Variants in MEAK7 observed in about 807,000 individuals in gnomAD.
MEAK7 encodes the protein MTOR associated protein MEAK7.
In MEAK7, 68 loss-of-function variants were observed where a neutral mutation model predicts 40.5. The observed-to-expected ratio is 1.68, with a 90% confidence interval of 1.38 to 2.06. The LOEUF is 2.06. Ranked by LOEUF, MEAK7 falls within the 30% of genes most tolerant of loss-of-function variation. The pLI is 0.00. For missense variants in MEAK7, 918 were observed against 580.5 expected, an observed-to-expected ratio of 1.58 and a Z score of -5.98; for synonymous variants, 338 against 231.9, an observed-to-expected ratio of 1.46 and a Z score of -4.16.
intron 3 of MEAK7, among the ~76,000 whole-genome samples, chr16:84,491,689 T>C (rs1913626020): frequency 6.6e-6 from 1 of 150,528 alleles, no homozygotes; most frequent in Non-Finnish European, 1.5e-5. Flanking sequence ...GTACAAAAAA[T>C]TACCTGGGCG....
In MEAK7 at chr16:84,495,833, C is replaced by T; in HGVS notation, c.234G>A (p.Lys78=). 6.2e-7 allele frequency: 1 copy of T among 1,614,126 alleles called. No homozygotes were observed. ...ACACGTTCTCACTGGGTCCCTTCGCCTTCCCTGTCAGGTCGACCCTCCGCA... is the reference window on the plus strand; with the variant it reads ...ACACGTTCTCACTGGGTCCCTTCGCTTTCCCTGTCAGGTCGACCCTCCGCA... ...DGMRRVDLTG[K]AKGPSENVSQ... is the part of the protein sequence containing the mutation. The change falls in exon 3 of 8, where the codon AAG becomes AAA. Residue 78 remains lysine (K), a synonymous_variant. Coordinates refer to ENST00000343629, the MANE Select transcript of MEAK7 (RefSeq NM_020947.4).
intron 4 of MEAK7, 130 bp downstream of exon 4, chr16:84,489,147 GA>G: frequency 8.3e-7 from 1 of 1,211,140 alleles, no homozygotes; most frequent in South Asian, 1.9e-5. Flanking sequence ...CAACAAACTA[GA>G]AAACCTAGAA....
rs1567507790 is a variant in MEAK7, at chr16:84,501,106, A to AG, written c.-25-2996_-25-2995insC. Among the ~76,000 whole-genome samples the AG allele has an allele frequency of 1.3e-3, 8 of 6,080 alleles. No homozygotes were observed. In the Non-Finnish European group the frequency reaches 0.021, roughly 16 times the overall value. 4.0% of individuals were successfully genotyped at this position (6,080 alleles called of 152,430 possible). ...TTAGACTCGTCTCAAAAAAAAAAAG[A>AG]AAAAAAAAAAAAAAAAAAAGAGGGG... On this transcript the variant is annotated intron_variant, in intron 1 of 7. Transcript: ENST00000343629.
At chr16:84,497,599 T>G (rs1416954331) in intron 2 of MEAK7, 2 of 1,321,174 alleles carry the variant, frequency 1.5e-6, no homozygotes. Context: ...AAGTTAGAAA[T>G]GTCCCCAAAT....
At position 84,489,328 on chromosome 16, in the gene MEAK7, G is replaced by T. The variant is rs765011136; in HGVS notation, c.479C>A (p.Pro160His). 7.4e-6 allele frequency: 12 copies of T among 1,614,054 alleles called. No individual in the cohort carries two copies. Among genetic ancestry groups the T allele is most frequent in the Non-Finnish European group, 1.0e-5 (12 of 1,180,028 alleles). Reference sequence around the variant, plus strand: ...CTGAGCAGCCAGCACCTGCACCCGGGGGTTGGGCCCTGGGGCTTCCTTCCC... The same window carrying T: ...CTGAGCAGCCAGCACCTGCACCCGGTGGTTGGGCCCTGGGGCTTCCTTCCC... ...WTGKEAPGPN[P>H]RVQVLAAQLL... The change falls in exon 4 of 8, where the codon CCC (proline) becomes CAC (histidine). Residue 160 changes from proline (P) to histidine (H), a missense_variant. Transcript: ENST00000343629.
At chr16:84,486,372 G>T (rs1406265503) in intron 5 of MEAK7, 5 of 1,122,328 alleles carry the variant, frequency 4.5e-6, no homozygotes, top group African/African-American at 1.6e-5. Flanking sequence ...CTTCTCCCAC[G>T]CCCCATAGAC....
chr16:84,501,572 G>A (rs957877106), intron 1 of MEAK7, among the ~76,000 whole-genome samples: 1 of 152,162 alleles, frequency 6.6e-6, no homozygotes, highest in Non-Finnish European at 1.5e-5. Context: ...CACAGAAGCG[G>A]CGCAGACCAG....
At chr16:84,482,907 G>A (rs972108988) in intron 5 of MEAK7, among the ~76,000 whole-genome samples, 197 bp from the exon 6 acceptor site, 1 of 152,202 alleles carries the variant, frequency 6.6e-6, no homozygotes, top group African/African-American at 2.4e-5. Flanking sequence ...AGGGATTAGA[G>A]GGACAGCTAA....
chr16:84,489,040 G>C (rs1457233438), intron 4 of MEAK7, among the ~76,000 whole-genome samples: 1 of 152,206 alleles, frequency 6.6e-6, no homozygotes, highest in Non-Finnish European at 1.5e-5. Flanking sequence ...GCTAGACTAA[G>C]AGGAAAAAGG....
chr16:84,501,676 C>G (rs767401904), intron 1 of MEAK7, among the ~76,000 whole-genome samples: 13 of 152,082 alleles, frequency 8.5e-5, no homozygotes, highest in Non-Finnish European at 1.8e-4. Context: ...GCATGGGAGG[C>G]CCCAGTAGGA....
chr16:84,497,891 C>A, intron 2 of MEAK7, 43 bp downstream of exon 2: 1 of 1,612,786 alleles, frequency 6.2e-7, no homozygotes, highest in Non-Finnish European at 8.5e-7. Flanking sequence ...GTTTGCAGAC[C>A]CCTGCTCCCA....
chr16:84,486,693 T>G lies in MEAK7; in HGVS notation c.896A>C (p.His299Pro). 6.2e-7 allele frequency: 1 copy of G among 1,614,126 alleles called. No homozygotes were observed. Among genetic ancestry groups the G allele is most frequent in the South Asian group, 1.1e-5 (1 of 91,084 alleles). Residue 299 changes from histidine (H) to proline (P), a missense_variant, in exon 5 of 8, where the codon CAT (histidine) becomes CCT (proline). Physicochemically the swap from His to Pro is moderately conservative, Grantham distance 77 (BLOSUM62 -2). Transcript: ENST00000343629. ...RGPCVAVLED[H>P]DKHVFGGFAS... ...AAACCCACCGAACACATGCTTGTCA[T>G]GGTCCTCGAGGACAGCCACACAGGG...
rs1161813128 is a variant in MEAK7, at chr16:84,478,442, C to T, written c.*1471G>A. 1 of 152,232 alleles carries T rather than the reference C, an allele frequency of 6.6e-6. No homozygotes were observed. Among genetic ancestry groups the T allele is most frequent in the Non-Finnish European group, 1.5e-5 (1 of 68,050 alleles). The allele number at this position is 152,232 out of a possible 1,614,324, so 9.4% of individuals were successfully genotyped here. A position where few individuals can be genotyped will look rare whatever the true frequency, so the allele number is the denominator to read the frequency against. On this transcript the variant is annotated 3_prime_UTR_variant, in exon 8 of 8. Transcript: ENST00000343629. ...AATGCAAGGCCTGCAAAAATGCGAA[C>T]AGCTCGATTTACTATGGCTTATAAT... is the stretch of plus-strand genomic sequence containing the variant.
chr16:84,493,031 T>C (rs1311958212), intron 3 of MEAK7, among the ~76,000 whole-genome samples: 1 of 152,240 alleles, frequency 6.6e-6, no homozygotes, highest in Non-Finnish European at 1.5e-5. Context: ...AATACAATCA[T>C]ACAGGAAGCA....
Position 84,497,998 on chromosome 16 carries a change from G to C in MEAK7, c.89C>G (p.Ala30Gly). Residue 30 changes from alanine (A) to glycine (G), a missense_variant, in exon 2 of 8, where the codon GCT becomes GGT. Coordinates refer to ENST00000343629, the MANE Select transcript of MEAK7 (RefSeq NM_020947.4). Reference protein sequence around the residue: ...EQAEIDQLFDALSSDKNSPNV... With the variant: ...EQAEIDQLFDGLSSDKNSPNV... ...CGGGCTGTTTTTATCTGATGACAGA[G>C]CATCAAACAATTGATCAATCTCTGC... 6.2e-7 allele frequency: 1 copy of C among 1,614,180 alleles called. No homozygotes were observed. The highest frequency in any genetic ancestry group is 8.5e-7 in the Non-Finnish European group (1 of 1,180,030).
Position 84,495,806 on chromosome 16 carries a change from G to A in MEAK7, c.261C>T (p.Ser87=), listed in dbSNP as rs1193770968. Residue 87 remains serine, a synonymous_variant, in exon 3 of 8, where the codon TCC becomes TCT. Coordinates refer to ENST00000343629, the MANE Select transcript of MEAK7 (RefSeq NM_020947.4). Reference sequence around the variant, plus strand: ...ACATGGATGCTGTGAACTGCTCCTGGGACACGTTCTCACTGGGTCCCTTCG... The same window carrying A: ...ACATGGATGCTGTGAACTGCTCCTGAGACACGTTCTCACTGGGTCCCTTCG... ...GKAKGPSENV[S]QEQFTASMSH... The A allele has an allele frequency of 6.2e-7, 1 of 1,613,976 alleles. No individual in the cohort carries two copies. Among genetic ancestry groups the A allele is most frequent in the Admixed American group, 1.7e-5 (1 of 60,000 alleles).
Position 84,480,696 on chromosome 16 carries a change from GC to G in MEAK7, c.1089del (p.Gln364SerfsTer110), listed in dbSNP as rs549073767. ...QTIPNGLGMG[G>X]QHNYFGLWVD... ...ACCCAAAGCCCAAAGTAATTGTGCTGCCCCCCCATACCCTGCAAAGGAAGCC... is the reference window on the plus strand; with the variant it reads ...ACCCAAAGCCCAAAGTAATTGTGCTGCCCCCCATACCCTGCAAAGGAAGCC... On this transcript the variant is annotated frameshift_variant, in exon 7 of 8. Transcript: ENST00000343629. LOFTEE classifies it high-confidence loss of function. The G allele has an allele frequency of 2.0e-5, 33 of 1,612,402 alleles. No homozygotes were observed. Among genetic ancestry groups the G allele is most frequent in the Admixed American group, 3.3e-5 (2 of 59,836 alleles).
rs1913978349 is a variant in MEAK7, at chr16:84,495,673, G to A, written c.384+10C>T. 3.1e-6 allele frequency: 5 copies of A among 1,613,910 alleles called. No individual in the cohort carries two copies. In the East Asian group the frequency reaches 1.1e-4, roughly 36 times the overall value. Reference sequence around the variant, plus strand: ...TGAGGAGGCTGCAAAGGACCTCGCGGCCTCACTACCTTTTGGACTTCTCTG... The same window carrying A: ...TGAGGAGGCTGCAAAGGACCTCGCGACCTCACTACCTTTTGGACTTCTCTG... On this transcript the variant is annotated intron_variant, in intron 3 of 7. Transcript: ENST00000343629.
At chr16:84,487,958 A>C (rs1450830415) in intron 4 of MEAK7, 2 of 152,206 alleles carry the variant, frequency 1.3e-5, no homozygotes, top group Non-Finnish European at 2.9e-5. Context: ...AGAGATTATA[A>C]TTCCCAACCT....
Sources: gnomAD v4.1 joint callset for allele counts (sites outside exome capture counted in the v4.1 genomes callset) on GRCh38, gnomAD v4.1.1 for gene constraint, MANE v1.5 for transcripts, NCBI Gene and HGNC (gene_info 2026-07-23, HGNC 2026-07-21) for gene names.